FCRL5: variants seen among roughly 807,000 people sequenced by gnomAD.
FCRL5 encodes the protein Fc receptor like 5.
Under a neutral mutation model 92.1 loss-of-function variants are expected in FCRL5, and 79 were observed. The ratio of observed to expected loss-of-function variants is 0.86; its 90% CI spans 0.72 to 1.03. The LOEUF (loss-of-function observed/expected upper bound fraction) is 1.03, where lower values mean the gene tolerates loss of function less well. Ranked by LOEUF, FCRL5 falls within the 50% of genes least tolerant of loss-of-function variation. The pLI, the probability that FCRL5 is intolerant of heterozygous loss-of-function variation, is 0.00. For synonymous variants in FCRL5, 466 were observed against 469.3 expected (o/e 0.99, Z 0.09); for missense variants, 1,160 against 1,181.1 (o/e 0.98, Z 0.26).
In FCRL5 at chr1:157,534,290, T is replaced by C. The variant is rs746057287; in HGVS notation, c.1681+324A>G. On this transcript the variant is annotated intron_variant, in intron 8 of 16. Coordinates refer to ENST00000361835, the MANE Select transcript of FCRL5 (RefSeq NM_031281.3). The stretch of plus-strand genomic sequence containing the variant: ...AAGACTGTGCTTGTAGCTAAGTTAA[T>C]ATGTAAATGTCAGTAGAGAAGTAGG... 10 of 694,416 alleles carry C rather than the reference T, an allele frequency of 1.4e-5. 1 individual carries two copies. Among genetic ancestry groups the C allele is most frequent in the South Asian group, 3.0e-5 (2 of 66,676 alleles). The allele number at this position is 694,416 out of a possible 1,614,324, so 43.0% of individuals were successfully genotyped here. A position where few individuals can be genotyped will look rare whatever the true frequency, so the allele number is the denominator to read the frequency against.
intron 3 of FCRL5, chr1:157,546,413 A>G (rs1651538690): frequency 3.1e-6 from 1 of 322,382 alleles, no homozygotes; most frequent in Admixed American, 4.3e-5. Context: ...ACGCCACTGC[A>G]CTCCAGCCTG....
rs765120306 is a variant in FCRL5 at position 157,515,571 on chromosome 1, T to C, written c.*104A>G. 3 of 1,611,714 alleles carry C rather than the reference T, an allele frequency of 1.9e-6. No individual in the cohort carries two copies. The highest frequency in any genetic ancestry group is 2.5e-6 in the Non-Finnish European group (3 of 1,179,282). On this transcript the variant is annotated 3_prime_UTR_variant, in exon 17 of 17. Transcript: ENST00000361835. ...GACATGTGAAACAAAGGCCAGTAGA[T>C]ATGGTCTGGGGCAGCCTAAATCTTC...
intron 6 of FCRL5, chr1:157,542,518 C>T (rs376754537): frequency 1.3e-4 from 32 of 247,300 alleles, no homozygotes; most frequent in African/African-American, 5.4e-4. Flanking sequence ...GAAATTGAGT[C>T]TGTGTCTACT....
In FCRL5 at chr1:157,539,252, G is replaced by A; in HGVS notation, c.1236C>T (p.Tyr412=). The A allele has an allele frequency of 6.2e-7, 1 of 1,614,220 alleles. No homozygotes were observed. Among genetic ancestry groups the A allele is most frequent in the Non-Finnish European group, 8.5e-7 (1 of 1,180,036 alleles). ...EAQRGSLPIL[Y]QFHHEGAALE... ...GGGCAGCACCCTCATGATGAAACTG[G>A]TACAGGATGGGGAGTGAACCTCTCT... is the stretch of plus-strand genomic sequence containing the variant. The change falls in exon 7 of 17, where the codon TAC becomes TAT. Residue 412 remains tyrosine (Y), a synonymous_variant. Transcript: ENST00000361835.
Position 157,521,101 on chromosome 1 carries a change from C to A in FCRL5, c.2431G>T (p.Ala811Ser), listed in dbSNP as rs758054238. Residue 811 changes from alanine (A) to serine (S), a missense_variant, in exon 11 of 17, where the codon GCA becomes TCA. Coordinates refer to ENST00000361835, the MANE Select transcript of FCRL5 (RefSeq NM_031281.3). ...GGASLNLSLT[A>S]EHSGNYSCEA... ...CAGGAGTAGTTTCCAGAGTGCTCTG[C>A]AGTCAGAGAGAGGTTTAAGGACGCT... is the stretch of plus-strand genomic sequence containing the variant. 5.0e-6 allele frequency: 8 copies of A among 1,614,046 alleles called. No homozygotes were observed. In the African/African-American group the frequency reaches 8.0e-5, roughly 16 times the overall value.
intron 9 of FCRL5, among the ~76,000 whole-genome samples, chr1:157,526,096 G>T (rs906016744): frequency 1.3e-5 from 2 of 152,194 alleles, no homozygotes; most frequent in South Asian, 2.1e-4. Flanking sequence ...GTGCTTAAAG[G>T]TTTTCTATAA....
rs1355560120 is a variant in FCRL5 at position 157,518,463 on chromosome 1, T to C, written c.2778A>G (p.Glu926=). ...TCTTTTTCTCTTGGATGATCCGTACTTCTGAGTAAACCACATTTTCTCCTC... is the reference window on the plus strand; with the variant it reads ...TCTTTTTCTCTTGGATGATCCGTACCTCTGAGTAAACCACATTTTCTCCTC... ...NPRGENVVYS[E]VRIIQEKKKH... is the part of the protein sequence containing the mutation. Residue 926 remains glutamate (E), a synonymous_variant, in exon 15 of 17, where the codon GAA becomes GAG. Transcript: ENST00000361835. The C allele has an allele frequency of 1.2e-6, 2 of 1,614,246 alleles. No homozygotes were observed. The highest frequency in any genetic ancestry group is 1.7e-6 in the Non-Finnish European group (2 of 1,180,026).
intron 1 of FCRL5, among the ~76,000 whole-genome samples, chr1:157,551,819 C>T (rs1022246440): frequency 6.6e-6 from 1 of 152,240 alleles, no homozygotes; most frequent in Admixed American, 6.5e-5. Flanking sequence ...TCCACCTACG[C>T]CTCTGCGACC....
At position 157,514,593 on chromosome 1, in the gene FCRL5, A is replaced by T. The variant is rs969270104; in HGVS notation, c.*1082T>A. 6.6e-6 allele frequency: 1 copy of T among 152,298 alleles called. No individual in the cohort carries two copies. Among genetic ancestry groups the T allele is most frequent in the Non-Finnish European group, 1.5e-5 (1 of 68,094 alleles). The allele number at this position is 152,298 out of a possible 1,614,324, so 9.4% of individuals were successfully genotyped here. On this transcript the variant is annotated 3_prime_UTR_variant, in exon 17 of 17. Coordinates refer to ENST00000361835, the MANE Select transcript of FCRL5 (RefSeq NM_031281.3). ...GACCTATAGGGCTTCACATGCATGC[A>T]GTGCAGTCCCAGGGCCAGCAGCATC...
intron 8 of FCRL5, chr1:157,534,184 T>C (rs1263563546): frequency 6.8e-6 from 3 of 442,938 alleles, no homozygotes; most frequent in Admixed American, 3.0e-5. Flanking sequence ...TCCCCCTTTG[T>C]TCACCAGCAG....
At position 157,515,364 on chromosome 1, in the gene FCRL5, G is replaced by C. The variant is rs1649872193; in HGVS notation, c.*311C>G. The C allele has an allele frequency of 2.4e-6, 1 of 425,386 alleles. No individual in the cohort carries two copies. Among genetic ancestry groups the C allele is most frequent in the African/African-American group, 2.0e-5 (1 of 49,986 alleles). 26.4% of individuals were successfully genotyped at this position (425,386 alleles called of 1,614,324 possible). On this transcript the variant is annotated 3_prime_UTR_variant, in exon 17 of 17. Transcript: ENST00000361835. ...GGTAAGACCCCCTCTGTGGGGGTGT[G>C]ATGAGAGCAGTACTCAGAACAGCAA... is the stretch of plus-strand genomic sequence containing the variant.
Position 157,549,564 on chromosome 1 carries a change from C to T in FCRL5, c.48G>A (p.Gln16=), listed in dbSNP as rs1444578676. Residue 16 remains glutamine (Q), a synonymous_variant, in exon 2 of 17, where the codon CAG becomes CAA. Coordinates refer to ENST00000361835, the MANE Select transcript of FCRL5 (RefSeq NM_031281.3). Reference sequence around the variant, plus strand: ...GCCAAAGACAGGAGAACTCACCAAACTGTCCACTGACAGGAGCTGCAAAAA... The same window carrying T: ...GCCAAAGACAGGAGAACTCACCAAATTGTCCACTGACAGGAGCTGCAAAAA... ...ILLVLAPVSG[Q]FARTPRPIIF... 4 of 1,612,212 alleles carry T rather than the reference C, an allele frequency of 2.5e-6. No homozygotes were observed. The highest frequency in any genetic ancestry group is 3.4e-6 in the Non-Finnish European group (4 of 1,179,278).
intron 10 of FCRL5, chr1:157,522,277 T>C (rs1397318407): frequency 6.6e-6 from 1 of 152,208 alleles, no homozygotes; most frequent in Admixed American, 6.5e-5. Context: ...TCACAAACAT[T>C]CATGTGTTCT....
chr1:157,547,063 CA>C lies in FCRL5; in HGVS notation c.186del (p.Glu65LysfsTer3). 6.2e-7 allele frequency: 1 copy of C among 1,614,152 alleles called. No homozygotes were observed. The highest frequency in any genetic ancestry group is 1.7e-5 in the Admixed American group (1 of 60,026). On this transcript the variant is annotated frameshift_variant, in exon 3 of 17. Transcript: ENST00000361835. LOFTEE classifies it high-confidence loss of function. ...GGGGTTTCTCTTAGTATTTCTTTCC[CA>C]AGGTACCGATGGTACCATTTTGTTT... The part of the protein sequence containing the change: ...PQKTKWYHRY[L>X]GKEILRETPD...
At position 157,521,229 on chromosome 1, in the gene FCRL5, A is replaced by C. The variant is rs1393824859; in HGVS notation, c.2303T>G (p.Leu768Arg). 3 of 1,614,020 alleles carry C rather than the reference A, an allele frequency of 1.9e-6. No homozygotes were observed. The African/African-American group carries it at 4.0e-5, about 22-fold the overall frequency. ...CAGGGCCTCACAGTGAAGCTCCAGC[A>C]GGTCCCCCACCGCAGCATGGGTCCC... Reference protein sequence around the residue: ...APGTHAAVGDLLELHCEALRG... With the variant: ...APGTHAAVGDRLELHCEALRG... The change falls in exon 11 of 17, where the codon CTG (leucine) becomes CGG (arginine). Residue 768 changes from leucine to arginine, a missense_variant. Leu to Arg is a moderately radical substitution (Grantham distance 102). Coordinates refer to ENST00000361835, the MANE Select transcript of FCRL5 (RefSeq NM_031281.3).
At chr1:157,551,537 G>T (rs1003628264) in intron 1 of FCRL5, among the ~76,000 whole-genome samples, 5 of 152,204 alleles carry the variant, frequency 3.3e-5, no homozygotes, top group African/African-American at 4.8e-5. Context: ...TTGTTGCATA[G>T]CTGCTTGAAA....
At chr1:157,541,502 C>A (rs1156503011) in intron 6 of FCRL5, among the ~76,000 whole-genome samples, 1 of 152,252 alleles carries the variant, frequency 6.6e-6, no homozygotes, top group Non-Finnish European at 1.5e-5. Flanking sequence ...GTGCTGCAGT[C>A]GTCAAGAACC....
chr1:157,544,285 G>A lies in FCRL5; in HGVS notation c.821C>T (p.Pro274Leu), dbSNP rs145991029. ...ACTCTGCACCTGTATCCAGGATCTCGGGCTGTCAGATATGACGCTGTAAGG... is the reference window on the plus strand; with the variant it reads ...ACTCTGCACCTGTATCCAGGATCTCAGGCTGTCAGATATGACGCTGTAAGG... ...TMPYSVISDS[P>L]RSWIQVQIPA... The change falls in exon 5 of 17, where the codon CCG (proline) becomes CTG (leucine). Residue 274 changes from proline to leucine, a missense_variant. By Grantham distance (98) the Pro-to-Leu change is moderately conservative. Transcript: ENST00000361835. 6.0e-5 allele frequency: 97 copies of A among 1,614,008 alleles called. 1 individual carries two copies. Among genetic ancestry groups the A allele is most frequent in the Middle Eastern group, 4.9e-4 (3 of 6,082 alleles).
Position 157,516,080 on chromosome 1 carries a change from TC to T in FCRL5, c.2813-208del, listed in dbSNP as rs1649919194. The T allele has an allele frequency of 2.5e-5, 16 of 643,260 alleles. 1 individual carries two copies. In the South Asian group the frequency reaches 2.9e-4, roughly 12 times the overall value. The allele number at this position is 643,260 out of a possible 1,614,324, so 39.8% of individuals were successfully genotyped here. A position where few individuals can be genotyped will look rare whatever the true frequency, so the allele number is the denominator to read the frequency against. On this transcript the variant is annotated intron_variant, in intron 15 of 16. Coordinates refer to ENST00000361835, the MANE Select transcript of FCRL5 (RefSeq NM_031281.3). ...AGCACTGACAGACCCTCTCTTCAAC[TC>T]CCCTTCACACTTTGTGGCCCACTCT...
Sources: allele counts gnomAD v4.1 joint callset (sites outside exome capture counted in the v4.1 genomes callset), GRCh38; gene constraint gnomAD v4.1.1; transcripts MANE v1.5; gene names NCBI Gene and HGNC (gene_info 2026-07-23, HGNC 2026-07-21).